WDPCP: variants seen among roughly 807,000 people sequenced by gnomAD.
WDPCP encodes WD repeat containing planar cell polarity effector.
WDPCP carries 71 observed loss-of-function variants against 93.1 expected under a neutral mutation model. The ratio of observed to expected loss-of-function variants is 0.76; its 90% confidence interval spans 0.63 to 0.93. The LOEUF (loss-of-function observed/expected upper bound fraction) is 0.93. Ranked by LOEUF, WDPCP falls within the 40% of genes least tolerant of loss-of-function variation. The pLI is 0.00. For missense variants in WDPCP, 844 were observed against 887.4 expected (o/e 0.95, Z 0.62); for synonymous variants, 315 against 315.0 (o/e 1.00, Z 0.00).
At position 63,588,251 on chromosome 2, in the gene WDPCP, C is replaced by T; in HGVS notation, c.21G>A (p.Trp7Ter). MRREFCWDAYSKAAGSR... is the reference protein window; with the variant it reads MRREFC ...TCCCGGCCGCTTTGGAGTAGGCGTC[C>T]CAGCAAAACTCTCGCCTCATCACCA... Residue 7 changes from tryptophan (W) to a stop codon, truncating the protein, a stop_gained, in exon 1 of 18, where the codon TGG (tryptophan) becomes TGA (stop). Coordinates refer to ENST00000272321, the MANE Select transcript of WDPCP (RefSeq NM_015910.7). LOFTEE classifies it high-confidence loss of function. The T allele has an allele frequency of 6.3e-7, 1 of 1,577,356 alleles. No homozygotes were observed. The highest frequency in any genetic ancestry group is 1.2e-5 in the South Asian group (1 of 86,540).
Position 63,798,732 on chromosome 2 carries a change from T to C in WDPCP, n.308+14890A>G, listed in dbSNP as rs150438809. Among the ~76,000 whole-genome samples, 6 of 152,148 alleles carry C rather than the reference T, an allele frequency of 3.9e-5. No individual in the cohort carries two copies. The East Asian group carries it at 1.2e-3, about 29-fold the overall frequency. ...GTAGTAAGTCTTTACTTATTAATAATAACACTGAACGTAAATAGACTAAAC... is the reference window on the plus strand; with the variant it reads ...GTAGTAAGTCTTTACTTATTAATAACAACACTGAACGTAAATAGACTAAAC... On this transcript the variant is annotated intron_variant and non_coding_transcript_variant, in intron 2 of 4. Transcript: ENST00000467687.
At chr2:63,804,319 C>T (rs1191823250) in intron 2 of WDPCP, among the ~76,000 whole-genome samples, 6 of 150,810 alleles carry the variant, frequency 4.0e-5, no homozygotes, top group African/African-American at 1.5e-4. Flanking sequence ...GGCACCATCT[C>T]GGCTTCACTG....
intron 17 of WDPCP, among the ~76,000 whole-genome samples, chr2:63,131,620 G>A (rs1193826020): frequency 6.6e-6 from 1 of 151,936 alleles, no homozygotes; most frequent in East Asian, 1.9e-4. Context: ...AATAACACAG[G>A]ATTCTATAGT....
intron 14 of WDPCP, among the ~76,000 whole-genome samples, chr2:63,249,571 A>G (rs1291190014): frequency 6.6e-6 from 1 of 152,200 alleles, no homozygotes; most frequent in African/African-American, 2.4e-5. Context: ...TTTTGTCAAG[A>G]AAGTCTGAGA....
At chr2:63,640,634 T>G (rs1161558233) in intron 3 of WDPCP, among the ~76,000 whole-genome samples, 1 of 152,206 alleles carries the variant, frequency 6.6e-6, no homozygotes, top group East Asian at 1.9e-4. Flanking sequence ...ATCCATGCCA[T>G]GGAATACTAC....
chr2:63,549,497 G>A (rs1170370130), intron 1 of WDPCP, among the ~76,000 whole-genome samples: 1 of 152,122 alleles, frequency 6.6e-6, no homozygotes, highest in Non-Finnish European at 1.5e-5. Flanking sequence ...AGCAAAGCGC[G>A]GTGGCTCACG....
intron 14 of WDPCP, chr2:63,228,351 CTTTTAT>C: frequency 8.7e-6 from 1 of 115,252 alleles, no homozygotes; most frequent in South Asian, 2.8e-4. Flanking sequence ...ATGAGGTATT[CTTTTAT>C]TTTTGTTTTA....
intron 2 of WDPCP, among the ~76,000 whole-genome samples, chr2:63,738,858 C>T (rs1476102708): frequency 6.6e-6 from 1 of 151,932 alleles, no homozygotes; most frequent in Non-Finnish European, 1.5e-5. Flanking sequence ...ATTACCAGCT[C>T]CCCAAAATCC....
At chr2:63,744,241 T>A (rs1231260877) in intron 2 of WDPCP, among the ~76,000 whole-genome samples, 1 of 152,124 alleles carries the variant, frequency 6.6e-6, no homozygotes, top group Non-Finnish European at 1.5e-5. Flanking sequence ...GGTGCCTTCT[T>A]CTTTGTTTCC....
intron 3 of WDPCP, chr2:63,606,051 C>G (rs1709522875): frequency 2.5e-6 from 4 of 1,589,534 alleles, no homozygotes; most frequent in South Asian, 1.1e-5. Flanking sequence ...GGAGCTATTT[C>G]CCTTCTTTGA....
At chr2:63,575,333 A>ACGGTATATAC (rs1707850142) in intron 1 of WDPCP, among the ~76,000 whole-genome samples, 5 of 141,242 alleles carry the variant, frequency 3.5e-5, no homozygotes, top group Admixed American at 2.1e-4. Context: ...CACAGTATAT[A>ACGGTATATAC]TGGTATATAC....
At chr2:63,604,596 G>T (rs1469028889) in intron 3 of WDPCP, 1 of 945,004 alleles carries the variant, frequency 1.1e-6, no homozygotes, top group African/African-American at 1.7e-5. Flanking sequence ...TGAAATTTCA[G>T]AAGCTTTTTA....
At chr2:63,538,118 T>C (rs556331542) in intron 1 of WDPCP, among the ~76,000 whole-genome samples, 2 of 152,096 alleles carry the variant, frequency 1.3e-5, no homozygotes, top group African/African-American at 4.8e-5. Context: ...TTATGTACAA[T>C]AGAAAAGTAT....
At chr2:63,723,836 A>C (rs1391412165) in intron 2 of WDPCP, among the ~76,000 whole-genome samples, 1 of 152,176 alleles carries the variant, frequency 6.6e-6, no homozygotes, top group African/African-American at 2.4e-5. Context: ...GGAGAAGAAA[A>C]ATTTCCCATA....
intron 13 of WDPCP, among the ~76,000 whole-genome samples, chr2:63,275,019 A>G (rs771830411): frequency 2.0e-5 from 3 of 152,116 alleles, no homozygotes; most frequent in Non-Finnish European, 2.9e-5. Context: ...CCAAAAACCT[A>G]CGGGCCAATA....
intron 14 of WDPCP, among the ~76,000 whole-genome samples, chr2:63,219,149 G>A (rs777099995): frequency 1.3e-5 from 2 of 152,024 alleles, no homozygotes; most frequent in Admixed American, 6.5e-5. Context: ...ATGCTTTTAC[G>A]AGCCAAAACA....
chr2:63,199,220 T>C (rs975949781), intron 14 of WDPCP, among the ~76,000 whole-genome samples: 2 of 152,234 alleles, frequency 1.3e-5, no homozygotes, highest in African/African-American at 4.8e-5. Context: ...TGTAAAAGTT[T>C]GCAAAATTTG....
intron 1 of WDPCP, among the ~76,000 whole-genome samples, chr2:63,504,564 G>A (rs1416922462): frequency 6.6e-6 from 1 of 151,756 alleles, no homozygotes; most frequent in East Asian, 1.9e-4. Flanking sequence ...GGAACAATTA[G>A]GACTAAAATT....
intron 15 of WDPCP, among the ~76,000 whole-genome samples, chr2:63,166,512 C>T (rs1406563547): frequency 6.6e-6 from 1 of 152,120 alleles, no homozygotes; most frequent in African/African-American, 2.4e-5. Flanking sequence ...TTCAGCGATT[C>T]TCATGCCTCA....
Sources: gnomAD v4.1 joint callset for allele counts (sites outside exome capture counted in the v4.1 genomes callset) on GRCh38, gnomAD v4.1.1 for gene constraint, MANE v1.5 for transcripts, NCBI Gene and HGNC (gene_info 2026-07-23, HGNC 2026-07-21) for gene names.